SCMH1: variants seen among roughly 807,000 people sequenced by gnomAD.
SCMH1 encodes the protein polycomb protein SCMH1.
In SCMH1, 37 loss-of-function variants were observed where a neutral mutation model predicts 70.8. The observed-to-expected ratio is 0.52, with a 90% confidence interval of 0.40 to 0.69. The LOEUF is 0.69. Among genes scored for constraint, SCMH1 ranks in the 30% least tolerant of loss-of-function variants. The pLI is 0.00. For synonymous variants in SCMH1, 292 were observed against 307.4 expected, an observed-to-expected ratio of 0.95 and a Z score of 0.52; for missense variants, 607 against 827.3, an observed-to-expected ratio of 0.73 and a Z score of 3.27.
chr1:41,192,256 T>C (rs1475021341), intron 1 of SCMH1, among the ~76,000 whole-genome samples: 1 of 152,122 alleles, frequency 6.6e-6, no homozygotes, highest in East Asian at 1.9e-4. Context: ...CCCAATTACT[T>C]GGACTAAGTA....
At chr1:41,051,518 A>G (rs1648142551) in intron 10 of SCMH1, among the ~76,000 whole-genome samples, 1 of 152,180 alleles carries the variant, frequency 6.6e-6, no homozygotes, top group African/African-American at 2.4e-5. Context: ...ATTGTCCCTG[A>G]AGACCTTCCA....
rs185243059 is a variant in SCMH1 at position 41,203,137 on chromosome 1, G to A, written c.-117-16887C>T. On this transcript the variant is annotated intron_variant, in intron 1 of 14. Coordinates refer to ENST00000337495, the Ensembl canonical transcript of SCMH1. The stretch of plus-strand genomic sequence containing the variant: ...AATCATTAATGAAAATACATTATTT[G>A]TATAGTGTCTTTAAAATCTGGTATA... Among the ~76,000 whole-genome samples the A allele has an allele frequency of 1.6e-3, 242 of 151,968 alleles. 1 individual carries two copies. Among genetic ancestry groups the A allele is most frequent in the Middle Eastern group, 3.4e-3 (1 of 292 alleles).
At chr1:41,199,566 A>C (rs1372091739) in intron 1 of SCMH1, among the ~76,000 whole-genome samples, 1 of 152,180 alleles carries the variant, frequency 6.6e-6, no homozygotes, top group African/African-American at 2.4e-5. Flanking sequence ...AGTTAAGGTT[A>C]AGGCACCCAT....
chr1:41,092,675 A>T (rs1663956051), intron 8 of SCMH1, among the ~76,000 whole-genome samples: 1 of 152,220 alleles, frequency 6.6e-6, no homozygotes, highest in Admixed American at 6.5e-5. Flanking sequence ...CAAATTTACA[A>T]GAAAAAATCA....
intron 8 of SCMH1, among the ~76,000 whole-genome samples, chr1:41,111,169 C>A (rs1669156709): frequency 6.6e-6 from 1 of 152,126 alleles, no homozygotes; most frequent in Non-Finnish European, 1.5e-5. Context: ...CTTTTATATT[C>A]TGGATACAAG....
intron 9 of SCMH1, among the ~76,000 whole-genome samples, chr1:41,074,641 C>T (rs1243031510): frequency 6.6e-6 from 1 of 152,140 alleles, no homozygotes; most frequent in Non-Finnish European, 1.5e-5. Flanking sequence ...GCAGTTTCTT[C>T]CATGTACACT....
At chr1:41,097,108 AAGTT>A (rs1206774439) in intron 8 of SCMH1, among the ~76,000 whole-genome samples, 3 of 152,228 alleles carry the variant, frequency 2.0e-5, no homozygotes, top group African/African-American at 7.2e-5. Flanking sequence ...TCTAGAAATC[AAGTT>A]AGTTTGTCAG....
At chr1:41,041,244 C>G (rs1248084082) in intron 12 of SCMH1, 8 of 152,020 alleles carry the variant, frequency 5.3e-5, no homozygotes, top group Non-Finnish European at 8.8e-5. Context: ...AAAAAAAAAT[C>G]CCTCTCTGAA....
intron 2 of SCMH1, among the ~76,000 whole-genome samples, chr1:41,173,863 G>C (rs12406305): frequency 0.078 from 11,858 of 151,984 alleles, 590 homozygotes; most frequent in South Asian, 0.13. Flanking sequence ...GCCAGGCACA[G>C]AAAGAAATAC....
intron 10 of SCMH1, among the ~76,000 whole-genome samples, chr1:41,066,220 T>C (rs1654543020): frequency 6.6e-6 from 1 of 152,176 alleles, no homozygotes; most frequent in Non-Finnish European, 1.5e-5. Context: ...GCTCCTCCCC[T>C]GGAATAGTTC....
chr1:41,077,074 T>C (rs569950446), intron 8 of SCMH1, among the ~76,000 whole-genome samples: 1 of 152,190 alleles, frequency 6.6e-6, no homozygotes, highest in South Asian at 2.1e-4. Flanking sequence ...ATAGTTGTGG[T>C]AGTACAATGT....
At chr1:41,130,580 T>A (rs185673624) in intron 6 of SCMH1, among the ~76,000 whole-genome samples, 4 of 152,296 alleles carry the variant, frequency 2.6e-5, no homozygotes, top group Admixed American at 1.3e-4. Flanking sequence ...CATGTGTATA[T>A]GTCATTTTTC....
chr1:41,198,647 G>A (rs2148708867), intron 1 of SCMH1, among the ~76,000 whole-genome samples: 1 of 152,194 alleles, frequency 6.6e-6, no homozygotes, highest in Non-Finnish European at 1.5e-5. Flanking sequence ...AGAACCCAAG[G>A]AAAAACTGTA....
intron 1 of SCMH1, among the ~76,000 whole-genome samples, chr1:41,241,100 G>A (rs572840707): frequency 9.8e-5 from 15 of 152,330 alleles, no homozygotes; most frequent in African/African-American, 3.6e-4. Context: ...AATGTGTCCA[G>A]GAACAGAATG....
rs543334168 is a variant in SCMH1, at chr1:41,149,981, C to A, written c.177+1633G>T. 5.3e-5 allele frequency among the ~76,000 whole-genome samples: 8 copies of A among 152,290 alleles called. No individual in the cohort carries two copies. The South Asian group carries it at 1.7e-3, about 32-fold the overall frequency. On this transcript the variant is annotated intron_variant, in intron 5 of 14. Transcript: ENST00000337495. Reference sequence around the variant, plus strand: ...TGTGTGCAGCTTTCTCCTCCTGACACTCTGTCCTAAAAATTCTAGCCACCT... The same window carrying A: ...TGTGTGCAGCTTTCTCCTCCTGACAATCTGTCCTAAAAATTCTAGCCACCT...
intron 2 of SCMH1, among the ~76,000 whole-genome samples, chr1:41,165,084 A>G (rs1646326006): frequency 6.6e-6 from 1 of 151,566 alleles, no homozygotes; most frequent in Non-Finnish European, 1.5e-5. Context: ...TCACCATTCT[A>G]CTCTCTACTT....
intron 1 of SCMH1, among the ~76,000 whole-genome samples, chr1:41,216,462 G>C (rs1658107697): frequency 6.6e-6 from 1 of 152,130 alleles, no homozygotes; most frequent in Non-Finnish European, 1.5e-5. Context: ...CCATGATGAA[G>C]GCAGGCATTA....
intron 1 of SCMH1, among the ~76,000 whole-genome samples, chr1:41,192,200 T>C (rs1373304963): frequency 6.6e-6 from 1 of 152,264 alleles, no homozygotes. Flanking sequence ...CATTACTCTT[T>C]TATTGTCTGT....
At chr1:41,192,144 G>T (rs187507071) in intron 1 of SCMH1, among the ~76,000 whole-genome samples, 1 of 152,084 alleles carries the variant, frequency 6.6e-6, no homozygotes, top group East Asian at 1.9e-4. Flanking sequence ...TGCCCATTCT[G>T]CCTAATCCAT....
Sources: allele counts gnomAD v4.1 joint callset (sites outside exome capture counted in the v4.1 genomes callset), GRCh38; gene constraint gnomAD v4.1.1; transcripts MANE v1.5; gene names NCBI Gene and HGNC (gene_info 2026-07-23, HGNC 2026-07-21).